Variants in FUBP1 observed in about 807,000 individuals in gnomAD.
FUBP1 encodes far upstream element-binding protein 1.
A neutral mutation model predicts 94.9 loss-of-function variants in FUBP1; 16 were observed. The ratio of observed to expected loss-of-function variants is 0.17; its 90% CI spans 0.11 to 0.26. FUBP1 has a LOEUF of 0.26. FUBP1 is among the 10% of genes least tolerant of loss of function. The probability of loss-of-function intolerance (pLI) is 1.00; values close to 1 mark genes in which losing one functional copy is unlikely to be tolerated. For synonymous variants in FUBP1, 279 were observed against 254.9 expected (o/e 1.09, Z -0.90); for missense variants, 583 against 808.6 (o/e 0.72, Z 3.38).
At chr1:77,974,205 G>A (rs992073281) in intron 1 of FUBP1, among the ~76,000 whole-genome samples, 20 of 148,082 alleles carry the variant, frequency 1.4e-4, no homozygotes, top group Admixed American at 1.2e-3. Flanking sequence ...GCGCGATCTC[G>A]GTTCACTGCA....
chr1:77,944,130 T>A lies in FUBP1; in HGVS notation c.*4636A>T, dbSNP rs1421486139. The stretch of plus-strand genomic sequence containing the variant: ...TACAGCAATCATGTGACCTTTTACA[T>A]ACAATGTCATTAAAGCAAACTCTAA... On this transcript the variant is annotated 3_prime_UTR_variant, in exon 20 of 20. Transcript: ENST00000370768. 1.1e-5 allele frequency: 2 copies of A among 190,228 alleles called. No homozygotes were observed. Among genetic ancestry groups the A allele is most frequent in the East Asian group, 8.3e-5 (1 of 12,054 alleles). 11.8% of individuals were successfully genotyped at this position (190,228 alleles called of 1,614,324 possible).
chr1:77,949,706 A>C (rs1377068843), intron 18 of FUBP1, among the ~76,000 whole-genome samples: 7 of 152,202 alleles, frequency 4.6e-5, no homozygotes, highest in South Asian at 2.1e-4. Context: ...AAGGAAGGTA[A>C]AGATTTAGGC....
intron 1 of FUBP1, among the ~76,000 whole-genome samples, chr1:77,973,436 G>A (rs375982961): frequency 6.6e-6 from 1 of 152,166 alleles, no homozygotes; most frequent in Non-Finnish European, 1.5e-5. Flanking sequence ...AGTATAGACA[G>A]GGTTTCACCT....
intron 7 of FUBP1, among the ~76,000 whole-genome samples, chr1:77,965,507 T>C (rs1011716591): frequency 1.3e-5 from 2 of 152,218 alleles, no homozygotes; most frequent in African/African-American, 4.8e-5. Flanking sequence ...GCTAAAGTTA[T>C]CTCAGAATTA....
rs748720696 is a variant in FUBP1, at chr1:77,978,986, C to G, written c.19G>C (p.Val7Leu). Residue 7 changes from valine to leucine, a missense_variant, in exon 1 of 20, where the codon GTG becomes CTG. By Grantham distance (32) the Val-to-Leu change is conservative. Transcript: ENST00000370768. The stretch of plus-strand genomic sequence containing the variant: ...GCTGAGCCAGAAGAGGGGGGAGGCA[C>G]TGTTGAATAGTCTGCCATGGTTGCA... Reference protein sequence around the residue: MADYSTVPPPSSGSAGG... With the variant: MADYSTLPPPSSGSAGG... 6.2e-7 allele frequency: 1 copy of G among 1,613,696 alleles called. No individual in the cohort carries two copies. The highest frequency in any genetic ancestry group is 1.7e-5 in the Admixed American group (1 of 59,996).
At chr1:77,954,198 CTGTCAGGGCATGATTATTA>C (rs1654021511) in intron 18 of FUBP1, among the ~76,000 whole-genome samples, 1 of 152,216 alleles carries the variant, frequency 6.6e-6, no homozygotes, top group Non-Finnish European at 1.5e-5. Context: ...GACCACAATG[CTGTCAGGGCATGATTATTA>C]ATAGCATCCC....
Position 77,979,028 on chromosome 1 carries a change from C to G in FUBP1, c.-24G>C, listed in dbSNP as rs761667691. 3.1e-6 allele frequency: 5 copies of G among 1,590,522 alleles called. No homozygotes were observed. In the South Asian group the frequency reaches 5.6e-5, roughly 18 times the overall value. ...ATGGTTGCACTATAAGAGCCGCTGC[C>G]GCCTGTTCAGAGACTTCCTCTCAGC... On this transcript the variant is annotated 5_prime_UTR_variant, in exon 1 of 20. Coordinates refer to ENST00000370768, the MANE Select transcript of FUBP1 (RefSeq NM_003902.5).
chr1:77,962,274 T>C (rs903831569), intron 14 of FUBP1, among the ~76,000 whole-genome samples: 1 of 152,176 alleles, frequency 6.6e-6, no homozygotes, highest in Non-Finnish European at 1.5e-5. Flanking sequence ...TCTGTCTCTG[T>C]ATATTATGTG....
chr1:77,964,829 T>G (rs769373972), intron 9 of FUBP1, 41 bp downstream of exon 9: 48 of 1,508,076 alleles, frequency 3.2e-5, no homozygotes, highest in Non-Finnish European at 4.3e-5. Context: ...CCAACCCCAT[T>G]CAACCCACTC....
At chr1:77,959,105 C>T (rs539320313) in intron 16 of FUBP1, among the ~76,000 whole-genome samples, 2 of 152,158 alleles carry the variant, frequency 1.3e-5, no homozygotes, top group African/African-American at 2.4e-5. Context: ...CAAGCAATTT[C>T]ATTTACATAA....
intron 16 of FUBP1, among the ~76,000 whole-genome samples, chr1:77,959,703 A>T (rs976636258): frequency 1.3e-5 from 2 of 152,062 alleles, no homozygotes; most frequent in African/African-American, 4.8e-5. Flanking sequence ...GGCTAATTTA[A>T]AACAAATTTT....
In FUBP1 at chr1:77,965,103, A is replaced by T; in HGVS notation, c.602T>A (p.Ile201Asn). 1 of 1,612,230 alleles carries T rather than the reference A, an allele frequency of 6.2e-7. No homozygotes were observed. The highest frequency in any genetic ancestry group is 8.5e-7 in the Non-Finnish European group (1 of 1,178,390). Residue 201 changes from isoleucine (I) to asparagine (N), a missense_variant, in exon 8 of 20, where the codon ATT (isoleucine) becomes AAT (asparagine). Transcript: ENST00000370768. ...TTTAATAGTTTCTCCCCCTTTTCCA[A>T]TGACTAATCCTGCCTTGCTAGCTGG... Reference protein sequence around the residue: ...MIPASKAGLVIGKGGETIKQL... With the variant: ...MIPASKAGLVNGKGGETIKQL...
At chr1:77,961,557 T>C (rs1214606816) in intron 14 of FUBP1, among the ~76,000 whole-genome samples, 1 of 152,184 alleles carries the variant, frequency 6.6e-6, no homozygotes, top group Non-Finnish European at 1.5e-5. Flanking sequence ...ATTATCTTCA[T>C]TTTACAGGAG....
At chr1:77,973,813 G>A (rs1658062892) in intron 1 of FUBP1, among the ~76,000 whole-genome samples, 1 of 151,830 alleles carries the variant, frequency 6.6e-6, no homozygotes. Context: ...GGTAGGGGAG[G>A]GTCCCCTCAT....
intron 18 of FUBP1, among the ~76,000 whole-genome samples, chr1:77,950,904 T>C (rs1010210723): frequency 2.0e-5 from 3 of 152,154 alleles, no homozygotes; most frequent in African/African-American, 7.2e-5. Flanking sequence ...TAAAAATGCC[T>C]GAAAAAAACC....
At chr1:77,972,004 C>CAAAAA (rs60606700) in intron 1 of FUBP1, among the ~76,000 whole-genome samples, 1 of 84,144 alleles carries the variant, frequency 1.2e-5, no homozygotes, top group Non-Finnish European at 2.7e-5. Flanking sequence ...GACTCTGTCT[C>CAAAAA]AAAAAAAAAA....
At chr1:77,956,330 G>A (rs1177438251) in intron 17 of FUBP1, among the ~76,000 whole-genome samples, 1 of 152,086 alleles carries the variant, frequency 6.6e-6, no homozygotes, top group Non-Finnish European at 1.5e-5. Context: ...TGATATAGAT[G>A]GTAACAGAGT....
chr1:77,969,141 ATT>A (rs987492321), intron 2 of FUBP1: 1 of 622,478 alleles, frequency 1.6e-6, no homozygotes. Context: ...TCATTAGCTC[ATT>A]TTTTTTCTAC....
At chr1:77,979,110 C>T (rs1659352793), upstream of FUBP1, 1 of 1,167,334 alleles carries the variant, frequency 8.6e-7, no homozygotes, top group Non-Finnish European at 1.2e-6. Context: ...CATTCTTGCG[C>T]GACCATCGTG....
Sources: allele counts gnomAD v4.1 joint callset (sites outside exome capture counted in the v4.1 genomes callset), GRCh38; gene constraint gnomAD v4.1.1; transcripts MANE v1.5; gene names NCBI Gene and HGNC (gene_info 2026-07-23, HGNC 2026-07-21).